Variants in FAM200B observed in about 807,000 individuals in gnomAD.
The protein encoded by FAM200B is zinc finger BED-type containing 11.
A neutral mutation model predicts 33.1 loss-of-function variants in FAM200B; 32 were observed. The observed-to-expected ratio is 0.97, with a 90% confidence interval of 0.73 to 1.30. The LOEUF is 1.30. Ranked by LOEUF, FAM200B falls within the 50% of genes most tolerant of loss-of-function variation. FAM200B has a pLI of 0.00. For missense variants in FAM200B, 741 were observed against 754.0 expected (o/e 0.98, Z 0.20); for synonymous variants, 240 against 264.8 (o/e 0.91, Z 0.91).
chr4:15,675,872 C>T, the FAM200B span, among the ~76,000 whole-genome samples: 4 of 152,216 alleles, frequency 2.6e-5, no homozygotes, highest in East Asian at 5.8e-4. Flanking sequence ...CATGAGCCAC[C>T]GCGCCCAGCC....
At chr4:15,678,680 T>A (rs1333861437), upstream of FAM200B, among the ~76,000 whole-genome samples, 8 of 152,350 alleles carry the variant, frequency 5.3e-5, no homozygotes, top group East Asian at 1.5e-3. Flanking sequence ...AAAATTGGTT[T>A]CTTATAATTT....
intron 1 of FAM200B, among the ~76,000 whole-genome samples, chr4:15,685,277 C>T (rs1718729320): frequency 6.6e-6 from 1 of 152,118 alleles, no homozygotes; most frequent in Non-Finnish European, 1.5e-5. Context: ...TGGCACCTTA[C>T]ACCATGCAAG....
chr4:15,678,563 T>C (rs2148831875), upstream of FAM200B, among the ~76,000 whole-genome samples: 1 of 152,272 alleles, frequency 6.6e-6, no homozygotes, highest in South Asian at 2.1e-4. Flanking sequence ...CTCAAAATAG[T>C]CCTTGTCTGA....
the FAM200B span, among the ~76,000 whole-genome samples, chr4:15,672,374 T>A: frequency 6.6e-6 from 1 of 152,224 alleles, no homozygotes; most frequent in African/African-American, 2.4e-5. Flanking sequence ...CACCTTTAGG[T>A]AATTTCATCA....
At chr4:15,685,522 A>G (rs1718755612) in intron 1 of FAM200B, among the ~76,000 whole-genome samples, 1 of 152,154 alleles carries the variant, frequency 6.6e-6, no homozygotes, top group South Asian at 2.1e-4. Flanking sequence ...GGCCAGGAGT[A>G]TAAGAACCCA....
the FAM200B span, among the ~76,000 whole-genome samples, chr4:15,672,767 TCAA>T: frequency 1.3e-5 from 2 of 152,198 alleles, no homozygotes; most frequent in African/African-American, 4.8e-5. Context: ...ATGTTTTTCT[TCAA>T]CAGTAAATTT....
chr4:15,651,200 G>GA, the FAM200B span, among the ~76,000 whole-genome samples: 2 of 152,072 alleles, frequency 1.3e-5, no homozygotes, highest in African/African-American at 4.8e-5. Context: ...TTTACAGATG[G>GA]AAAAAATGAT....
chr4:15,641,354 C>T, the FAM200B span, among the ~76,000 whole-genome samples: 5 of 152,086 alleles, frequency 3.3e-5, no homozygotes, highest in Non-Finnish European at 5.9e-5. Context: ...CTGCCTCTCC[C>T]ACCCCTGCAA....
the FAM200B span, among the ~76,000 whole-genome samples, chr4:15,662,793 A>C: frequency 6.6e-6 from 1 of 152,322 alleles, no homozygotes; most frequent in African/African-American, 2.4e-5. Flanking sequence ...TGTCTTTGCA[A>C]AGGTGTTCTT....
At chr4:15,651,482 T>C in the FAM200B span, among the ~76,000 whole-genome samples, 1 of 152,176 alleles carries the variant, frequency 6.6e-6, no homozygotes, top group Non-Finnish European at 1.5e-5. Flanking sequence ...CTCATTAAAT[T>C]CCCTTTTCCT....
At chr4:15,662,274 C>T in the FAM200B span, among the ~76,000 whole-genome samples, 319 of 150,438 alleles carry the variant, frequency 2.1e-3, 5 homozygotes, top group African/African-American at 7.5e-3. Context: ...GCTCCTTCCA[C>T]GGCTCTACCA....
At chr4:15,650,467 C>T in the FAM200B span, among the ~76,000 whole-genome samples, 1 of 152,172 alleles carries the variant, frequency 6.6e-6, no homozygotes, top group South Asian at 2.1e-4. Context: ...TGACCTACTA[C>T]TAATAGGTCA....
the FAM200B span, among the ~76,000 whole-genome samples, chr4:15,674,385 C>A: frequency 6.6e-6 from 1 of 152,022 alleles, no homozygotes; most frequent in Non-Finnish European, 1.5e-5. Context: ...GAGAACTGCA[C>A]TTGAGATCCC....
At chr4:15,656,157 G>A in the FAM200B span, 1 of 455,950 alleles carries the variant, frequency 2.2e-6, no homozygotes, top group South Asian at 1.5e-5. Flanking sequence ...TGGAAGGTTG[G>A]TGCGGGAAAG....
chr4:15,645,933 G>A, the FAM200B span, among the ~76,000 whole-genome samples: 2 of 152,108 alleles, frequency 1.3e-5, no homozygotes, highest in Non-Finnish European at 2.9e-5. Flanking sequence ...TTTGGTACCT[G>A]GGATATATCA....
At chr4:15,685,643 C>G (rs1718763188) in intron 1 of FAM200B, among the ~76,000 whole-genome samples, 1 of 151,842 alleles carries the variant, frequency 6.6e-6, no homozygotes, top group Non-Finnish European at 1.5e-5. Flanking sequence ...ACCTAGATAC[C>G]AAATGATTAA....
the FAM200B span, among the ~76,000 whole-genome samples, chr4:15,675,033 C>T: frequency 6.6e-6 from 1 of 151,184 alleles, no homozygotes; most frequent in Non-Finnish European, 1.5e-5. Context: ...CTAGGAATCA[C>T]GAAAAAAAAA....
the FAM200B span, chr4:15,655,294 TGCCTCAGCCTCC>T: frequency 8.5e-6 from 12 of 1,406,364 alleles, no homozygotes; most frequent in Admixed American, 6.8e-5. Flanking sequence ...CCATCGCCAC[TGCCTCAGCCTCC>T]GCCTCAGCAG....
Position 15,688,877 on chromosome 4 carries a change from G to A in FAM200B, c.1900G>A (p.Val634Ile), listed in dbSNP as rs1240720562. 6.4e-7 allele frequency: 1 copy of A among 1,550,796 alleles called. No homozygotes were observed. The highest frequency in any genetic ancestry group is 8.7e-7 in the Non-Finnish European group (1 of 1,146,522). Residue 634 changes from valine to isoleucine, a missense_variant, in exon 2 of 2, where the codon GTT becomes ATT. By Grantham distance (29) the Val-to-Ile change is conservative. Coordinates refer to ENST00000422728, the MANE Select transcript of FAM200B (RefSeq NM_001145191.2). ...KERNGLNCAA[V>I]MRVALSSCVP... Reference sequence around the variant, plus strand: ...AAGAAATGGGCTGAATTGTGCAGCAGTTATGCGGGTAGCATTATCTTCCTG... The same window carrying A: ...AAGAAATGGGCTGAATTGTGCAGCAATTATGCGGGTAGCATTATCTTCCTG...
Sources: allele counts gnomAD v4.1 joint callset (sites outside exome capture counted in the v4.1 genomes callset), GRCh38; gene constraint gnomAD v4.1.1; transcripts MANE v1.5; gene names NCBI Gene and HGNC (gene_info 2026-07-23, HGNC 2026-07-21).